The following SUCLG2 variants were observed in gnomAD, a reference collection of about 807,000 sequenced individuals.
The protein encoded by SUCLG2 is succinate--CoA ligase [GDP-forming] subunit beta, mitochondrial.
SUCLG2 carries 42 observed loss-of-function variants against 47.9 expected under a neutral mutation model. That is an observed-to-expected ratio of 0.88 (90% CI 0.69 to 1.14). SUCLG2 has a LOEUF of 1.14. SUCLG2 is among the 50% of genes most tolerant of loss of function. The pLI, the probability that SUCLG2 is intolerant of heterozygous loss-of-function variation, is 0.00. For synonymous variants in SUCLG2, 195 were observed against 197.3 expected (o/e 0.99, Z 0.10); for missense variants, 571 against 525.9 (o/e 1.09, Z -0.84).
chr3:67,411,341 G>C (rs1041020419), intron 9 of SUCLG2, among the ~76,000 whole-genome samples: 2 of 152,024 alleles, frequency 1.3e-5, no homozygotes, highest in Non-Finnish European at 2.9e-5. Context: ...CACTGTTTCT[G>C]TAAATAACAA....
intron 9 of SUCLG2, among the ~76,000 whole-genome samples, chr3:67,419,834 G>A (rs1436699733): frequency 3.3e-5 from 5 of 152,154 alleles, no homozygotes; most frequent in African/African-American, 1.2e-4. Context: ...TATTTAGAAT[G>A]ACAGGTTGCA....
intron 10 of SUCLG2, among the ~76,000 whole-genome samples, chr3:67,364,081 A>T (rs920036909): frequency 5.3e-5 from 8 of 152,046 alleles, no homozygotes; most frequent in Non-Finnish European, 8.8e-5. Context: ...ACAAGGCAGG[A>T]CTCTTCTATA....
In SUCLG2 at chr3:67,404,335, GGAGA is replaced by G. The variant is rs138202963; in HGVS notation, c.1063-3488_1063-3485del. ...TACAGAACAACCATGAGAGAGCATG[GGAGA>G]GAGAGAGAGAGAGAGAATGAGTGAA... On this transcript the variant is annotated intron_variant, in intron 9 of 10. Coordinates refer to ENST00000307227, the MANE Select transcript of SUCLG2 (RefSeq NM_003848.4). Among the ~76,000 whole-genome samples, 19 of 149,424 alleles carry G rather than the reference GGAGA, an allele frequency of 1.3e-4. No individual in the cohort carries two copies. In the East Asian group the frequency reaches 1.4e-3, roughly 11 times the overall value.
At chr3:67,585,277 T>A (rs1479485885) in intron 2 of SUCLG2, among the ~76,000 whole-genome samples, 12 of 152,104 alleles carry the variant, frequency 7.9e-5, no homozygotes, top group South Asian at 2.1e-4. Flanking sequence ...TTCCAATTGA[T>A]CCCACCAATC....
At chr3:67,473,590 C>T (rs1343481970) in intron 9 of SUCLG2, among the ~76,000 whole-genome samples, 1 of 152,162 alleles carries the variant, frequency 6.6e-6, no homozygotes, top group East Asian at 1.9e-4. Context: ...CGATACAACA[C>T]ACATTAAGAG....
chr3:67,375,840 G>A lies in SUCLG2; in HGVS notation c.1203C>T (p.Ala401=), dbSNP rs1475469837. The stretch of plus-strand genomic sequence containing the variant: ...GTCCGCTGTTGTTGAGTATCTTCTG[G>A]GCCTCTTGGACGTTGGTTCCTAGAA... The part of the protein sequence containing the change: ...VRLEGTNVQE[A]QKILNNSGLP... Residue 401 remains alanine, a synonymous_variant, in exon 11 of 11, where the codon GCC becomes GCT. Transcript: ENST00000307227. 5 of 1,613,720 alleles carry A rather than the reference G, an allele frequency of 3.1e-6. No individual in the cohort carries two copies. In the East Asian group the frequency reaches 6.7e-5, roughly 22 times the overall value.
chr3:67,567,882 A>C (rs1438471740), intron 2 of SUCLG2, among the ~76,000 whole-genome samples: 2 of 152,222 alleles, frequency 1.3e-5, no homozygotes, highest in African/African-American at 4.8e-5. Context: ...TTACAAAGTT[A>C]ATTCAATTGT....
chr3:67,517,431 GCACACATA>G (rs1172150933), intron 6 of SUCLG2, among the ~76,000 whole-genome samples: 1 of 152,136 alleles, frequency 6.6e-6, no homozygotes, highest in Non-Finnish European at 1.5e-5. Context: ...ATACACACAT[GCACACATA>G]CACACAATCT....
intron 2 of SUCLG2, among the ~76,000 whole-genome samples, chr3:67,596,626 G>A (rs186279645): frequency 1.2e-3 from 184 of 152,202 alleles, no homozygotes; most frequent in African/African-American, 3.2e-3. Context: ...AGCAGTGAAC[G>A]TCTTGGAAGC....
chr3:67,617,406 A>G (rs1353130734), intron 1 of SUCLG2, among the ~76,000 whole-genome samples: 6 of 152,224 alleles, frequency 3.9e-5, no homozygotes. Context: ...AGCCTATGGA[A>G]AGGAAAAAAA....
At chr3:67,397,695 A>G (rs1702578686) in intron 10 of SUCLG2, among the ~76,000 whole-genome samples, 2 of 152,162 alleles carry the variant, frequency 1.3e-5, no homozygotes, top group South Asian at 4.1e-4. Context: ...GAACCAAAAA[A>G]GAGCCAGCAT....
intron 9 of SUCLG2, among the ~76,000 whole-genome samples, chr3:67,431,655 G>A (rs1201063115): frequency 1.3e-5 from 2 of 151,334 alleles, no homozygotes; most frequent in Non-Finnish European, 2.9e-5. Flanking sequence ...ACCAAACACC[G>A]CATGTTCTCA....
At chr3:67,604,557 A>G (rs1708487388) in intron 2 of SUCLG2, among the ~76,000 whole-genome samples, 1 of 152,198 alleles carries the variant, frequency 6.6e-6, no homozygotes, top group South Asian at 2.1e-4. Flanking sequence ...AAAATGACAT[A>G]AACAATGACT....
chr3:67,386,141 T>C (rs746924171), intron 10 of SUCLG2, among the ~76,000 whole-genome samples: 1 of 152,148 alleles, frequency 6.6e-6, no homozygotes, highest in Non-Finnish European at 1.5e-5. Context: ...CAGACTGGAG[T>C]GCAGTGGCGC....
In SUCLG2 at chr3:67,438,695, C is replaced by T. The variant is rs146464914; in HGVS notation, c.1063-37844G>A. On this transcript the variant is annotated intron_variant, in intron 9 of 10. Transcript: ENST00000307227. ...TCCCAAGACTAAAGCAGGAAGAAGT[C>T]GAATCCCTGAATAGACCAATAACAA... Among the ~76,000 whole-genome samples, 797 of 152,066 alleles carry T rather than the reference C, an allele frequency of 5.2e-3. 7 individuals carry two copies. The highest frequency in any genetic ancestry group is 0.018 in the African/African-American group (739 of 41,516).
chr3:67,478,530 C>G (rs1481586746), intron 9 of SUCLG2, among the ~76,000 whole-genome samples: 1 of 152,200 alleles, frequency 6.6e-6, no homozygotes, highest in African/African-American at 2.4e-5. Context: ...ATATGCATGA[C>G]AAGAATACCC....
At position 67,462,320 on chromosome 3, in the gene SUCLG2, A is replaced by G. The variant is rs546623730; in HGVS notation, c.1062+33478T>C. Among the ~76,000 whole-genome samples the G allele has an allele frequency of 5.3e-5, 8 of 152,278 alleles. No individual in the cohort carries two copies. The East Asian group carries it at 1.4e-3, about 26-fold the overall frequency. ...CTCATTTCCGAAGGGGTCCTGTGTC[A>G]TACCTCAGAAGAAGGAATGCTGCAC... On this transcript the variant is annotated intron_variant, in intron 9 of 10. Transcript: ENST00000307227.
intron 1 of SUCLG2, 51 bp downstream of exon 1, chr3:67,654,452 G>C (rs1275334277): frequency 1.6e-6 from 2 of 1,215,048 alleles, no homozygotes; most frequent in Non-Finnish European, 2.1e-6. Context: ...AGGGAAGCCC[G>C]GGCAGGCCGG....
chr3:67,653,902 G>A (rs1238897517), intron 1 of SUCLG2, among the ~76,000 whole-genome samples: 3 of 152,194 alleles, frequency 2.0e-5, no homozygotes, highest in Non-Finnish European at 4.4e-5. Context: ...GGTCTAATGC[G>A]TTTTAGTGAC....
Sources: gnomAD v4.1 joint callset for allele counts (sites outside exome capture counted in the v4.1 genomes callset) on GRCh38, gnomAD v4.1.1 for gene constraint, MANE v1.5 for transcripts, NCBI Gene and HGNC (gene_info 2026-07-23, HGNC 2026-07-21) for gene names.